Variants in AP3S2 observed in about 807,000 individuals in gnomAD.
The protein encoded by AP3S2 is adaptor related protein complex 3 subunit sigma 2.
A neutral mutation model predicts 23.4 loss-of-function variants in AP3S2; 22 were observed. The observed-to-expected ratio is 0.94, with a 90% CI of 0.67 to 1.34. The LOEUF (loss-of-function observed/expected upper bound fraction) is 1.34, where lower values mean the gene tolerates loss of function less well. Ranked by LOEUF, AP3S2 falls within the 40% of genes most tolerant of loss-of-function variation. AP3S2 has a pLI of 0.00. For synonymous variants in AP3S2, 86 were observed against 87.1 expected (o/e 0.99, Z 0.07); for missense variants, 241 against 236.9 (o/e 1.02, Z -0.11).
intron 4 of AP3S2, among the ~76,000 whole-genome samples, chr15:89,839,778 C>A (rs147796953): frequency 1.3e-5 from 2 of 151,872 alleles, no homozygotes; most frequent in Non-Finnish European, 2.9e-5. Flanking sequence ...CATGAACAGA[C>A]GACTGGATCA....
At chr15:89,875,827 T>C (rs535281522) in intron 3 of AP3S2, among the ~76,000 whole-genome samples, 4 of 151,036 alleles carry the variant, frequency 2.6e-5, no homozygotes, top group African/African-American at 9.7e-5. Context: ...TGTGTGCCTG[T>C]GATTCCAGCT....
chr15:89,888,481 C>A, intron 3 of AP3S2, 40 bp downstream of exon 3: 1 of 1,598,976 alleles, frequency 6.3e-7, no homozygotes, highest in Non-Finnish European at 8.6e-7. Context: ...CCCGTGGAAA[C>A]TCTCTAAAGC....
At chr15:89,877,407 CCT>C in intron 3 of AP3S2, 3 of 1,289,934 alleles carry the variant, frequency 2.3e-6, no homozygotes, top group Non-Finnish European at 2.0e-6. Context: ...GGCTTTTCTT[CCT>C]CTCTCTTTTT....
intron 1 of AP3S2, 65 bp from the exon 2 acceptor site, chr15:89,889,205 A>C: frequency 6.4e-7 from 1 of 1,564,046 alleles, no homozygotes; most frequent in Non-Finnish European, 8.8e-7. Flanking sequence ...ATCCATGGGG[A>C]TGGACAAGGG....
chr15:89,840,813 C>T (rs2351707), intron 4 of AP3S2, among the ~76,000 whole-genome samples: 109,990 of 151,962 alleles, frequency 0.72, 39,954 homozygotes, highest in East Asian at 0.8. Context: ...TGTATATTAG[C>T]AGCAGAATGG....
intron 4 of AP3S2, among the ~76,000 whole-genome samples, chr15:89,840,588 C>T (rs1441583092): frequency 6.6e-6 from 1 of 152,072 alleles, no homozygotes; most frequent in Non-Finnish European, 1.5e-5. Flanking sequence ...CCACCATGCC[C>T]AGCTAATTTT....
At chr15:89,890,417 T>C (rs1896793855) in intron 1 of AP3S2, among the ~76,000 whole-genome samples, 1 of 152,238 alleles carries the variant, frequency 6.6e-6, no homozygotes, top group South Asian at 2.1e-4. Flanking sequence ...TAACTCACCT[T>C]TGATTTCTAA....
rs1895087808 is a variant in AP3S2, at chr15:89,832,017, A to G, written c.*3498T>C. The G allele has an allele frequency of 6.6e-6, 1 of 152,286 alleles. No homozygotes were observed. The highest frequency in any genetic ancestry group is 6.5e-5 in the Admixed American group (1 of 15,292). 9.4% of individuals were successfully genotyped at this position (152,286 alleles called of 1,614,324 possible). On this transcript the variant is annotated 3_prime_UTR_variant, in exon 6 of 6. Transcript: ENST00000336418. ...CACTCTGTCAAAGATGCTCACAGAG[A>G]CAACAGGAGCAGACAGAGCCTTGTT...
At chr15:89,861,658 C>T (rs1223615881) in intron 4 of AP3S2, among the ~76,000 whole-genome samples, 1 of 152,080 alleles carries the variant, frequency 6.6e-6, no homozygotes, top group East Asian at 1.9e-4. Context: ...AAATCATGAG[C>T]AACCTTATGA....
intron 3 of AP3S2, among the ~76,000 whole-genome samples, chr15:89,880,475 C>G (rs775683241): frequency 3.3e-5 from 5 of 151,978 alleles, no homozygotes; most frequent in Admixed American, 3.3e-4. Context: ...GAGTTTGAGA[C>G]CAGCCTGGTC....
At chr15:89,888,694 T>C in intron 2 of AP3S2, 62 bp from the exon 3 acceptor site, 2 of 1,523,238 alleles carry the variant, frequency 1.3e-6, no homozygotes, top group Non-Finnish European at 1.8e-6. Context: ...AAAAGAAACC[T>C]TGTGCCAAAG....
At chr15:89,846,464 C>T (rs1895492094) in intron 4 of AP3S2, among the ~76,000 whole-genome samples, 1 of 152,028 alleles carries the variant, frequency 6.6e-6, no homozygotes, top group Non-Finnish European at 1.5e-5. Context: ...TTCAAGCGAT[C>T]CTACAGCCTT....
chr15:89,876,303 C>T (rs1896441871), intron 3 of AP3S2, among the ~76,000 whole-genome samples: 1 of 152,010 alleles, frequency 6.6e-6, no homozygotes, highest in Non-Finnish European at 1.5e-5. Context: ...TCTGAGGTCC[C>T]AGCTACTTGG....
rs1479310305 is a variant in AP3S2 at position 89,830,840 on chromosome 15, C to A, written c.*4675G>T. The A allele has an allele frequency of 1.3e-5, 2 of 152,296 alleles. No individual in the cohort carries two copies. The highest frequency in any genetic ancestry group is 2.9e-5 in the Non-Finnish European group (2 of 68,080). The allele number at this position is 152,296 out of a possible 1,614,324, so 9.4% of individuals were successfully genotyped here. A position where few individuals can be genotyped will look rare whatever the true frequency, so the allele number is the denominator to read the frequency against. ...GCCACTGTACAGGGTGATGGGGAGG[C>A]CCTCCTCCCTGGAGAGGGCGGCATG... On this transcript the variant is annotated 3_prime_UTR_variant, in exon 6 of 6. Coordinates refer to ENST00000336418, the MANE Select transcript of AP3S2 (RefSeq NM_005829.5).
chr15:89,838,114 G>A, intron 4 of AP3S2: 1 of 172,772 alleles, frequency 5.8e-6, no homozygotes, highest in South Asian at 1.3e-4. Context: ...TGGTGCCCAG[G>A]ACACACTGGG....
intron 4 of AP3S2, chr15:89,849,013 G>A (rs1895568865): frequency 6.6e-6 from 1 of 152,096 alleles, no homozygotes. Context: ...GACAAGCAAA[G>A]GACTGACTAT....
At chr15:89,838,767 T>C (rs1895255230) in intron 4 of AP3S2, among the ~76,000 whole-genome samples, 1 of 151,288 alleles carries the variant, frequency 6.6e-6, no homozygotes, top group Non-Finnish European at 1.5e-5. Context: ...ACAGAGACAG[T>C]GGGAGGATGG....
Position 89,837,650 on chromosome 15 carries a change from G to A in AP3S2, c.418C>T (p.Gln140Ter). 6.2e-7 allele frequency: 1 copy of A among 1,614,154 alleles called. No individual in the cohort carries two copies. The highest frequency in any genetic ancestry group is 8.5e-7 in the Non-Finnish European group (1 of 1,180,012). The part of the protein sequence containing the change: ...LETNMNEIVA[Q>*]IEAQNRLEKS... ...TCCAGCCTGTTTTGAGCCTCAATCT[G>A]AGCCACGATTTCATTCATGTTTGTT... The change falls in exon 5 of 6, where the codon CAG (glutamine) becomes TAG (stop). Residue 140 changes from glutamine (Q) to a stop codon, truncating the protein, a stop_gained. Coordinates refer to ENST00000336418, the MANE Select transcript of AP3S2 (RefSeq NM_005829.5). LOFTEE classifies it high-confidence loss of function.
chr15:89,840,442 A>T (rs1895300554), intron 4 of AP3S2, among the ~76,000 whole-genome samples: 2 of 151,980 alleles, frequency 1.3e-5, no homozygotes, highest in Non-Finnish European at 2.9e-5. Context: ...TACTATTATT[A>T]TTTGAGGCTG....
Sources: allele counts gnomAD v4.1 joint callset (sites outside exome capture counted in the v4.1 genomes callset), GRCh38; gene constraint gnomAD v4.1.1; transcripts MANE v1.5; gene names NCBI Gene and HGNC (gene_info 2026-07-23, HGNC 2026-07-21).